CNMD: variants seen among roughly 807,000 people sequenced by gnomAD.
CNMD encodes chondromodulin.
Under a neutral mutation model 37.5 loss-of-function variants are expected in CNMD, and 30 were observed. That is an observed-to-expected ratio of 0.80 (90% CI 0.60 to 1.09). CNMD has a LOEUF of 1.09. Ranked by LOEUF, CNMD falls within the 50% of genes least tolerant of loss-of-function variation. The probability of loss-of-function intolerance (pLI) is 0.00; values close to 1 mark genes in which losing one functional copy is unlikely to be tolerated. For synonymous variants in CNMD, 167 were observed against 148.2 expected (o/e 1.13, Z -0.92); for missense variants, 398 against 423.9 (o/e 0.94, Z 0.54).
chr13:52,738,782 C>T (rs1239079597), intron 2 of CNMD, among the ~76,000 whole-genome samples: 5 of 152,198 alleles, frequency 3.3e-5, no homozygotes, highest in Non-Finnish European at 7.3e-5. Flanking sequence ...AACGGCCTTT[C>T]TCGGACCGTC....
In CNMD at chr13:52,721,395, C is replaced by G. The variant is rs372535024; in HGVS notation, c.468+2602G>C. 2.6e-5 allele frequency among the ~76,000 whole-genome samples: 4 copies of G among 152,300 alleles called. No individual in the cohort carries two copies. The South Asian group carries it at 6.2e-4, about 24-fold the overall frequency. On this transcript the variant is annotated intron_variant, in intron 4 of 6. Transcript: ENST00000377962. ...CTCGGTGTCTTCCCAAATGGCCACCCAGTTGAAACCCAGGGCCCTGGTGGT... is the reference window on the plus strand; with the variant it reads ...CTCGGTGTCTTCCCAAATGGCCACCGAGTTGAAACCCAGGGCCCTGGTGGT...
chr13:52,732,842 G>A (rs1278865244), intron 3 of CNMD, among the ~76,000 whole-genome samples: 1 of 152,118 alleles, frequency 6.6e-6, no homozygotes, highest in Non-Finnish European at 1.5e-5. Context: ...CAATGCTATG[G>A]TATTGTGGTT....
chr13:52,738,963 C>A (rs1964826268), intron 2 of CNMD, 68 bp downstream of exon 2: 7 of 1,369,348 alleles, frequency 5.1e-6, no homozygotes, highest in Non-Finnish European at 6.6e-6. Context: ...CGCCGGCCCG[C>A]GCTCGGGCTC....
intron 5 of CNMD, among the ~76,000 whole-genome samples, chr13:52,710,985 G>T (rs368302660): frequency 3.3e-5 from 5 of 152,214 alleles, no homozygotes; most frequent in African/African-American, 1.2e-4. Flanking sequence ...CCCTGCACTG[G>T]CATTTTCCAT....
chr13:52,732,447 T>G (rs1964688491), intron 3 of CNMD, among the ~76,000 whole-genome samples: 1 of 152,156 alleles, frequency 6.6e-6, no homozygotes, highest in African/African-American at 2.4e-5. Flanking sequence ...TGCCTGTAAA[T>G]GAAATTTTTG....
chr13:52,703,916 T>C, intron 6 of CNMD, 106 bp from the exon 7 acceptor site: 1 of 897,732 alleles, frequency 1.1e-6, no homozygotes, highest in South Asian at 1.7e-5. Flanking sequence ...TACAGGAAGG[T>C]GTAATCTGTA....
chr13:52,716,793 C>G (rs1964391716), intron 4 of CNMD, among the ~76,000 whole-genome samples: 1 of 152,108 alleles, frequency 6.6e-6, no homozygotes, highest in African/African-American at 2.4e-5. Flanking sequence ...ATGCCTCCAG[C>G]TTTGTTCTTT....
At chr13:52,707,308 T>C (rs533802428) in intron 6 of CNMD, among the ~76,000 whole-genome samples, 1 of 150,414 alleles carries the variant, frequency 6.6e-6, no homozygotes, top group African/African-American at 2.4e-5. Context: ...GCACCTCGTG[T>C]CATCCTCACA....
At chr13:52,734,665 T>C (rs903457220) in intron 2 of CNMD, among the ~76,000 whole-genome samples, 5 of 151,932 alleles carry the variant, frequency 3.3e-5, no homozygotes, top group African/African-American at 1.2e-4. Context: ...TATATACACA[T>C]ATATATAAAT....
At chr13:52,728,677 C>T (rs922579310) in intron 3 of CNMD, among the ~76,000 whole-genome samples, 4 of 152,176 alleles carry the variant, frequency 2.6e-5, no homozygotes, top group African/African-American at 7.2e-5. Context: ...ACTTCAAACA[C>T]ATCCCCTGAA....
At chr13:52,723,230 T>A (rs1310549471) in intron 4 of CNMD, among the ~76,000 whole-genome samples, 1 of 152,222 alleles carries the variant, frequency 6.6e-6, no homozygotes, top group Non-Finnish European at 1.5e-5. Context: ...TAGCTGGGAC[T>A]ATAGGTACGC....
chr13:52,738,929 GCCCGCCGGCAGCCGCGCGCCC>G (rs1368233522), intron 2 of CNMD, 81 bp downstream of exon 2: 5 of 1,165,750 alleles, frequency 4.3e-6, no homozygotes, highest in Non-Finnish European at 5.5e-6. Flanking sequence ...GGCCCGAGGG[GCCCGCCGGCAGCCGCGCGCCC>G]CTCGCCGGCC....
chr13:52,705,060 GAA>G (rs34921261), intron 6 of CNMD, among the ~76,000 whole-genome samples: 1 of 148,564 alleles, frequency 6.7e-6, no homozygotes, highest in Non-Finnish European at 1.5e-5. Context: ...CTCTGTCTTG[GAA>G]AAAAAAAAAA....
Position 52,739,039 on chromosome 13 carries a change from C to T in CNMD, c.205G>A (p.Asp69Asn), listed in dbSNP as rs765796100. The T allele has an allele frequency of 6.3e-7, 1 of 1,579,080 alleles. No homozygotes were observed. The highest frequency in any genetic ancestry group is 1.8e-5 in the Admixed American group (1 of 55,698). The stretch of plus-strand genomic sequence containing the variant: ...CCGCCCTCTGGACTTACGTGACTGT[C>T]GCTCCCCTTCCAGAAGTAGAAGGCC... The part of the protein sequence containing the change: ...IGAFYFWKGS[D>N]SHIYNVHYTM... Residue 69 changes from aspartate to asparagine, a missense_variant, in exon 2 of 7, where the codon GAC becomes AAC. Transcript: ENST00000377962. This position sits in a 1 kb window ranked among gnomAD's most constrained non-coding sequence, Gnocchi z 5.4.
chr13:52,725,974 A>G (rs549224925), intron 3 of CNMD, among the ~76,000 whole-genome samples: 1 of 152,216 alleles, frequency 6.6e-6, no homozygotes, highest in African/African-American at 2.4e-5. Flanking sequence ...TTCTTCCTCA[A>G]GCTCTTTATT....
intron 3 of CNMD, among the ~76,000 whole-genome samples, chr13:52,727,064 G>A (rs1232240173): frequency 2.0e-5 from 3 of 152,034 alleles, no homozygotes; most frequent in Non-Finnish European, 4.4e-5. Flanking sequence ...TCAGGAGTTC[G>A]AGACCAGCCT....
chr13:52,739,738 C>T lies in CNMD; in HGVS notation c.-37G>A, dbSNP rs777779264. 6 of 1,560,462 alleles carry T rather than the reference C, an allele frequency of 3.8e-6. No individual in the cohort carries two copies. Among genetic ancestry groups the T allele is most frequent in the East Asian group, 2.2e-5 (1 of 44,542 alleles). On this transcript the variant is annotated 5_prime_UTR_variant, in exon 1 of 7. Coordinates refer to ENST00000377962, the MANE Select transcript of CNMD (RefSeq NM_007015.3). The surrounding 1 kb of genome is among the most constrained non-coding windows in gnomAD (Gnocchi z 5.4). ...GAGGAGTGAGGCACTTGGAGACTCC[C>T]TGGGCACCCTGGGATCTGTCCCGCT...
Position 52,739,031 on chromosome 13 carries a change from G to C in CNMD, c.213C>G (p.His71Gln), listed in dbSNP as rs199719639. 6 of 1,576,664 alleles carry C rather than the reference G, an allele frequency of 3.8e-6. No homozygotes were observed. In the African/African-American group the frequency reaches 8.5e-5, roughly 22 times the overall value. Residue 71 changes from histidine to glutamine, a missense_variant and splice_region_variant, in exon 2 of 7, where the codon CAC becomes CAG. By Grantham distance (24) the His-to-Gln change is conservative. Transcript: ENST00000377962. The surrounding 1 kb of genome is among the most constrained non-coding windows in gnomAD (Gnocchi z 5.4). ...CCCGCGCGCCGCCCTCTGGACTTAC[G>C]TGACTGTCGCTCCCCTTCCAGAAGT... ...AFYFWKGSDS[H>Q]IYNVHYTMSI...
intron 3 of CNMD, among the ~76,000 whole-genome samples, chr13:52,730,595 G>GTTTCA (rs1964649354): frequency 6.6e-6 from 1 of 151,916 alleles, no homozygotes; most frequent in Non-Finnish European, 1.5e-5. Flanking sequence ...ATTTTTTCAT[G>GTTTCA]TGTTTTTTGG....
Sources: gnomAD v4.1 joint callset for allele counts (sites outside exome capture counted in the v4.1 genomes callset) on GRCh38, gnomAD v4.1.1 for gene constraint, Gnocchi (gnomAD v3.1) non-coding constraint, MANE v1.5 for transcripts, NCBI Gene and HGNC (gene_info 2026-07-23, HGNC 2026-07-21) for gene names.